MLIP: variants seen among roughly 807,000 people sequenced by gnomAD.
MLIP encodes muscular LMNA interacting protein, also known as muscular LMNA-interacting protein.
Under a neutral mutation model 84.8 loss-of-function variants are expected in MLIP, and 79 were observed. That is an observed-to-expected ratio of 0.93 (90% confidence interval 0.78 to 1.12). The LOEUF is 1.12. Ranked by LOEUF, MLIP falls within the 50% of genes most tolerant of loss-of-function variation. The probability of loss-of-function intolerance (pLI) is 0.00; values close to 1 mark genes in which losing one functional copy is unlikely to be tolerated. For synonymous variants in MLIP, 504 were observed against 463.0 expected (o/e 1.09, Z -1.14); for missense variants, 1,257 against 1,160.6 (o/e 1.08, Z -1.21).
chr6:54,036,104 A>G (rs1764421131), intron 1 of MLIP, among the ~76,000 whole-genome samples: 1 of 151,990 alleles, frequency 6.6e-6, no homozygotes, highest in South Asian at 2.1e-4. Context: ...GTCATTGTAT[A>G]TTTAAGTCTA....
intron 11 of MLIP, among the ~76,000 whole-genome samples, chr6:54,203,014 C>T (rs1778797847): frequency 6.6e-6 from 1 of 152,016 alleles, no homozygotes; most frequent in Admixed American, 6.6e-5. Flanking sequence ...ATGCAGTCTC[C>T]CAGATTGGGA....
intron 8 of MLIP, among the ~76,000 whole-genome samples, chr6:54,167,867 A>T (rs1150884): frequency 6.6e-6 from 1 of 151,604 alleles, no homozygotes; most frequent in Non-Finnish European, 1.5e-5. Context: ...TAGGGGCTCA[A>T]TCTGTTTTTG....
intron 11 of MLIP, chr6:54,217,528 A>G: frequency 1.0e-6 from 1 of 985,278 alleles, no homozygotes; most frequent in Non-Finnish European, 1.2e-6. Context: ...TTTGTCTGCT[A>G]ATTTTTCTTT....
chr6:54,059,707 G>A (rs1005853909), intron 1 of MLIP, among the ~76,000 whole-genome samples: 3 of 152,096 alleles, frequency 2.0e-5, no homozygotes, highest in Admixed American at 6.6e-5. Context: ...AACAAGATTA[G>A]TATTATTGGT....
chr6:54,041,801 A>G (rs1425944501), intron 1 of MLIP, among the ~76,000 whole-genome samples: 1 of 152,056 alleles, frequency 6.6e-6, no homozygotes, highest in Admixed American at 6.6e-5. Context: ...TGTTTTTTTC[A>G]TCAGCCCACA....
chr6:54,175,927 A>T (rs1265095358), intron 9 of MLIP, among the ~76,000 whole-genome samples: 1 of 151,790 alleles, frequency 6.6e-6, no homozygotes, highest in Non-Finnish European at 1.5e-5. Context: ...GTTTTTTGAG[A>T]GTTTTTTAAT....
chr6:54,091,491 T>C (rs1767871033), intron 1 of MLIP, among the ~76,000 whole-genome samples: 1 of 152,110 alleles, frequency 6.6e-6, no homozygotes, highest in African/African-American at 2.4e-5. Flanking sequence ...TGGGATGAAA[T>C]GGTAAGTGAG....
intron 9 of MLIP, among the ~76,000 whole-genome samples, chr6:54,170,240 G>C (rs1382500193): frequency 6.6e-6 from 1 of 151,682 alleles, no homozygotes; most frequent in African/African-American, 2.4e-5. Flanking sequence ...TCCTTAGTAA[G>C]TGTTTAGTGT....
intron 8 of MLIP, 39 bp from the exon 9 acceptor site, chr6:54,169,489 T>A: frequency 6.9e-7 from 1 of 1,441,492 alleles, no homozygotes; most frequent in African/African-American, 1.5e-5. Context: ...TTATTTACTT[T>A]ATTATTTCAG....
At chr6:54,077,611 G>A (rs1363981999) in intron 1 of MLIP, among the ~76,000 whole-genome samples, 1 of 152,186 alleles carries the variant, frequency 6.6e-6, no homozygotes, top group Non-Finnish European at 1.5e-5. Context: ...AGAGCAAGGG[G>A]CTTTAACTGA....
chr6:54,247,514 G>A (rs1782164170), intron 12 of MLIP, among the ~76,000 whole-genome samples: 1 of 152,104 alleles, frequency 6.6e-6, no homozygotes, highest in African/African-American at 2.4e-5. Context: ...GGCAAGAAGC[G>A]GAGGTGGAAG....
chr6:54,126,013 C>T (rs1480239546), intron 3 of MLIP, among the ~76,000 whole-genome samples: 1 of 151,810 alleles, frequency 6.6e-6, no homozygotes, highest in East Asian at 1.9e-4. Context: ...CACATTTTTA[C>T]TGGGCTAAAA....
intron 3 of MLIP, among the ~76,000 whole-genome samples, chr6:54,131,317 C>T (rs897828610): frequency 6.6e-6 from 1 of 152,154 alleles, no homozygotes; most frequent in African/African-American, 2.4e-5. Flanking sequence ...CCTCTTAAAG[C>T]CAGCAACAGA....
At chr6:54,057,258 C>G (rs2150325990) in intron 1 of MLIP, among the ~76,000 whole-genome samples, 1 of 152,296 alleles carries the variant, frequency 6.6e-6, no homozygotes, top group East Asian at 1.9e-4. Flanking sequence ...GGCTGCTACA[C>G]TGGGTAGATG....
At chr6:54,092,845 G>A (rs1767951402) in intron 1 of MLIP, among the ~76,000 whole-genome samples, 1 of 152,000 alleles carries the variant, frequency 6.6e-6, no homozygotes, top group South Asian at 2.1e-4. Flanking sequence ...TTTATTGCAG[G>A]GAAGATGGGC....
At chr6:54,169,660 T>G in intron 9 of MLIP, 88 bp downstream of exon 9, 1 of 782,074 alleles carries the variant, frequency 1.3e-6, no homozygotes, top group Non-Finnish European at 1.9e-6. Context: ...GTAATTTAAA[T>G]AGAATTAATT....
chr6:54,072,194 C>T (rs923744986), intron 1 of MLIP, among the ~76,000 whole-genome samples: 1 of 151,992 alleles, frequency 6.6e-6, no homozygotes, highest in Non-Finnish European at 1.5e-5. Context: ...ACTGACTCAC[C>T]AAAAAAATGC....
At chr6:54,025,603 C>G (rs1452772629) in intron 1 of MLIP, among the ~76,000 whole-genome samples, 2 of 152,142 alleles carry the variant, frequency 1.3e-5, no homozygotes, top group East Asian at 3.8e-4. Flanking sequence ...TTCCTTGTCT[C>G]TGCTACTCAT....
intron 1 of MLIP, among the ~76,000 whole-genome samples, chr6:54,086,606 A>G (rs978270930): frequency 1.3e-5 from 2 of 152,138 alleles, no homozygotes; most frequent in Non-Finnish European, 2.9e-5. Flanking sequence ...ATAAAAGCCA[A>G]AGTCCGTTAT....
Sources: gnomAD v4.1 joint callset for allele counts (sites outside exome capture counted in the v4.1 genomes callset) on GRCh38, gnomAD v4.1.1 for gene constraint, MANE v1.5 for transcripts, NCBI Gene and HGNC (gene_info 2026-07-23, HGNC 2026-07-21) for gene names.